The following UTS2 variants were observed in gnomAD, a reference collection of about 807,000 sequenced individuals.
The protein encoded by UTS2 is urotensin-2.
A neutral mutation model predicts 12.6 loss-of-function variants in UTS2; 10 were observed. The ratio of observed to expected loss-of-function variants is 0.80; its 90% CI spans 0.49 to 1.35. UTS2 has a LOEUF of 1.35. Ranked by LOEUF, UTS2 falls within the 40% of genes most tolerant of loss-of-function variation. The pLI is 0.00. For missense variants in UTS2, 142 were observed against 143.2 expected (o/e 0.99, Z 0.04); for synonymous variants, 52 against 50.0 (o/e 1.04, Z -0.17).
At chr1:7,908,116 T>C in the UTS2 span, among the ~76,000 whole-genome samples, 1 of 151,878 alleles carries the variant, frequency 6.6e-6, no homozygotes, top group Non-Finnish European at 1.5e-5. Flanking sequence ...CTGGCCAACA[T>C]GACGAATCCC....
chr1:7,857,036 G>A (rs1348497356), upstream of UTS2, among the ~76,000 whole-genome samples: 1 of 151,084 alleles, frequency 6.6e-6, no homozygotes, highest in East Asian at 1.9e-4. Flanking sequence ...ACTCCAGCCT[G>A]GGCCACAAAG....
In UTS2 at chr1:7,847,689, T is replaced by A; in HGVS notation, c.*77A>T. 2.5e-6 allele frequency: 3 copies of A among 1,202,080 alleles called. No homozygotes were observed. The highest frequency in any genetic ancestry group is 2.7e-5 in the South Asian group (2 of 75,024). 74.5% of individuals were successfully genotyped at this position (1,202,080 alleles called of 1,614,324 possible). On this transcript the variant is annotated 3_prime_UTR_variant, in exon 4 of 4. Transcript: ENST00000361696. ...TTGCCTAGTTTTTCTCCACACTGTT[T>A]TCAAATCAAGCATTGTGTTATTTTT...
At chr1:7,870,238 C>A in the UTS2 span, among the ~76,000 whole-genome samples, 1 of 152,158 alleles carries the variant, frequency 6.6e-6, no homozygotes, top group African/African-American at 2.4e-5. Flanking sequence ...TCCATTAGGA[C>A]TGGTGTCCTT....
chr1:7,874,966 T>C, the UTS2 span, among the ~76,000 whole-genome samples: 2 of 152,218 alleles, frequency 1.3e-5, no homozygotes, highest in Non-Finnish European at 1.5e-5. Flanking sequence ...GTAAGTTTCC[T>C]GAGGCCTCCC....
At chr1:7,899,533 G>T in the UTS2 span, among the ~76,000 whole-genome samples, 1 of 151,900 alleles carries the variant, frequency 6.6e-6, no homozygotes, top group South Asian at 2.1e-4. Flanking sequence ...TTGAGACAAG[G>T]TCTCACTCTG....
chr1:7,879,361 T>C, the UTS2 span, among the ~76,000 whole-genome samples: 1 of 152,170 alleles, frequency 6.6e-6, no homozygotes, highest in Admixed American at 6.5e-5. Context: ...AGAGAAACTT[T>C]GGAAACTACA....
chr1:7,900,209 G>A, the UTS2 span, among the ~76,000 whole-genome samples: 1 of 152,016 alleles, frequency 6.6e-6, no homozygotes, highest in African/African-American at 2.4e-5. Flanking sequence ...GACCAGCCTG[G>A]GCAACATAGT....
chr1:7,872,859 G>C, the UTS2 span, among the ~76,000 whole-genome samples: 4 of 152,162 alleles, frequency 2.6e-5, no homozygotes, highest in Non-Finnish European at 4.4e-5. Flanking sequence ...AGAAGATGCC[G>C]TCTAAGACTT....
the UTS2 span, among the ~76,000 whole-genome samples, chr1:7,895,162 A>T: frequency 6.6e-6 from 1 of 152,140 alleles, no homozygotes; most frequent in East Asian, 1.9e-4. Flanking sequence ...TGAGGCCAGG[A>T]GTTTGAGACT....
At chr1:7,908,729 G>A in the UTS2 span, among the ~76,000 whole-genome samples, 9 of 152,068 alleles carry the variant, frequency 5.9e-5, no homozygotes, top group African/African-American at 2.2e-4. Flanking sequence ...AGGAAAAAGA[G>A]GTTTAATGGA....
chr1:7,855,966 C>G (rs377520301), upstream of UTS2, among the ~76,000 whole-genome samples: 9 of 151,942 alleles, frequency 5.9e-5, no homozygotes, highest in East Asian at 5.8e-4. Flanking sequence ...TTCCAACCCT[C>G]TGGGATTACA....
At chr1:7,863,046 TTGTATTGTATTG>T in the UTS2 span, among the ~76,000 whole-genome samples, 16 of 35,494 alleles carry the variant, frequency 4.5e-4, 2 homozygotes, top group South Asian at 2.3e-3. Flanking sequence ...TTGTATTGTA[TTGTATTGTATTG>T]TATTGTATTG....
the UTS2 span, among the ~76,000 whole-genome samples, chr1:7,860,567 T>C: frequency 6.6e-6 from 1 of 152,098 alleles, no homozygotes; most frequent in Admixed American, 6.6e-5. Context: ...CTGTGTTTTA[T>C]TTCTATTATT....
the UTS2 span, among the ~76,000 whole-genome samples, chr1:7,888,162 T>G: frequency 1.4e-3 from 206 of 152,272 alleles, no homozygotes; most frequent in African/African-American, 4.7e-3. Context: ...CACACTTAAG[T>G]TTATCTTTAA....
chr1:7,907,518 T>C, the UTS2 span, among the ~76,000 whole-genome samples: 1 of 151,598 alleles, frequency 6.6e-6, no homozygotes, highest in African/African-American at 2.4e-5. Context: ...TTTAAAAAAA[T>C]TTAAAAATTA....
At chr1:7,853,420 G>C (rs147322701), upstream of UTS2, 7 of 1,613,280 alleles carry the variant, frequency 4.3e-6, no homozygotes, top group Admixed American at 3.3e-5. Context: ...GATGAAATAC[G>C]TTGGTTTCCA....
At chr1:7,896,773 G>A in the UTS2 span, among the ~76,000 whole-genome samples, 4 of 151,562 alleles carry the variant, frequency 2.6e-5, no homozygotes, top group Non-Finnish European at 5.9e-5. Context: ...TCAGCTCACT[G>A]CAACTTCCAC....
chr1:7,885,468 G>C, the UTS2 span, among the ~76,000 whole-genome samples: 4 of 152,090 alleles, frequency 2.6e-5, no homozygotes, highest in African/African-American at 9.7e-5. Context: ...GTATAGGCCG[G>C]CCTTAAGACA....
chr1:7,886,043 T>C, the UTS2 span, among the ~76,000 whole-genome samples: 99 of 117,112 alleles, frequency 8.5e-4, 1 homozygote, highest in African/African-American at 2.7e-3. Flanking sequence ...GCACCGCACC[T>C]GTTCCCAGGT....
Sources: allele counts gnomAD v4.1 joint callset (sites outside exome capture counted in the v4.1 genomes callset), GRCh38; gene constraint gnomAD v4.1.1; transcripts MANE v1.5; gene names NCBI Gene and HGNC (gene_info 2026-07-23, HGNC 2026-07-21).